GSAP: variants seen among roughly 807,000 people sequenced by gnomAD.
The protein encoded by GSAP is gamma-secretase-activating protein.
Under a neutral mutation model 131.7 loss-of-function variants are expected in GSAP, and 118 were observed. The observed-to-expected ratio is 0.90, with a 90% CI of 0.77 to 1.04. The LOEUF is 1.04. Ranked by LOEUF, GSAP falls within the 50% of genes least tolerant of loss-of-function variation. The pLI is 0.00. For missense variants in GSAP, 1,019 were observed against 1,013.2 expected (o/e 1.01, Z -0.08); for synonymous variants, 381 against 363.4 (o/e 1.05, Z -0.55).
chr7:77,359,390 A>G (rs1347222844), intron 14 of GSAP, among the ~76,000 whole-genome samples: 1 of 152,190 alleles, frequency 6.6e-6, no homozygotes, highest in Non-Finnish European at 1.5e-5. Flanking sequence ...TTCATTAAAT[A>G]AATAGTAGCT....
rs1798740632 is a variant in GSAP, at chr7:77,387,435, C to G, written c.381G>C (p.Leu127Phe). 6.3e-7 allele frequency: 1 copy of G among 1,581,690 alleles called. No homozygotes were observed. The highest frequency in any genetic ancestry group is 1.3e-5 in the African/African-American group (1 of 74,332). The change falls in exon 6 of 31, where the codon TTG becomes TTC. Residue 127 changes from leucine to phenylalanine, a missense_variant. Coordinates refer to ENST00000257626, the MANE Select transcript of GSAP (RefSeq NM_017439.4). ...RNELQPGSKC[L>F]TLLVEIHPVN... The stretch of plus-strand genomic sequence containing the variant: ...CAGGGTGGATTTCAACCAACAAAGT[C>G]AAGCACTTTGATCCTACAGAGAAAA...
intron 28 of GSAP, among the ~76,000 whole-genome samples, chr7:77,312,782 G>C (rs1338611745): frequency 6.6e-6 from 1 of 152,234 alleles, no homozygotes; most frequent in Non-Finnish European, 1.5e-5. Context: ...CCGTTCGTGA[G>C]AGGACAGTGC....
In GSAP at chr7:77,330,184, G is replaced by C; in HGVS notation, c.1674+55C>G. ...GCCTTATGATTTAAAGGCATCACCTGGATCCAGTCCACTATGCCTCGCTGC... is the reference window on the plus strand; with the variant it reads ...GCCTTATGATTTAAAGGCATCACCTCGATCCAGTCCACTATGCCTCGCTGC... On this transcript the variant is annotated intron_variant, in intron 20 of 30. Coordinates refer to ENST00000257626, the MANE Select transcript of GSAP (RefSeq NM_017439.4). 1.3e-6 allele frequency: 2 copies of C among 1,551,550 alleles called. 1 individual carries two copies. The highest frequency in any genetic ancestry group is 1.7e-6 in the Non-Finnish European group (2 of 1,146,170).
At chr7:77,349,461 T>A (rs1239121414) in intron 18 of GSAP, 57 bp from the exon 19 acceptor site, 1 of 1,451,122 alleles carries the variant, frequency 6.9e-7, no homozygotes, top group Non-Finnish European at 9.6e-7. Flanking sequence ...TACCACTAGC[T>A]CAAGCTTTCA....
At chr7:77,400,235 A>C (rs1369588551) in intron 3 of GSAP, among the ~76,000 whole-genome samples, 1 of 152,186 alleles carries the variant, frequency 6.6e-6, no homozygotes. Flanking sequence ...TCCCAGTGGT[A>C]AACAAGCTTT....
At chr7:77,353,776 A>C in intron 16 of GSAP, 135 bp from the exon 17 acceptor site, 1 of 582,336 alleles carries the variant, frequency 1.7e-6, no homozygotes, top group Non-Finnish European at 3.0e-6. Context: ...ACTCACTTCT[A>C]TACTATCTTC....
At chr7:77,402,616 A>T (rs66527510) in intron 3 of GSAP, among the ~76,000 whole-genome samples, 856 of 80,240 alleles carry the variant, frequency 0.011, 83 homozygotes, top group Middle Eastern at 0.02. Flanking sequence ...AAAAAAAAAA[A>T]GAATTTTAAA....
intron 3 of GSAP, among the ~76,000 whole-genome samples, chr7:77,400,936 ATTT>A (rs35614699): frequency 7.0e-6 from 1 of 141,942 alleles, no homozygotes; most frequent in Non-Finnish European, 1.5e-5. Context: ...ACAATTACCA[ATTT>A]TTTTTTTTTT....
At chr7:77,370,709 G>A (rs770572760) in intron 12 of GSAP, among the ~76,000 whole-genome samples, 41 of 152,120 alleles carry the variant, frequency 2.7e-4, no homozygotes, top group Admixed American at 4.6e-4. Flanking sequence ...CCTCTGTCAT[G>A]TCTACACATG....
rs188259257 is a variant in GSAP at position 77,374,022 on chromosome 7, A to C, written c.871+48T>G. 2.7e-3 allele frequency: 2,849 copies of C among 1,040,100 alleles called. 10 individuals are homozygous for C. Among genetic ancestry groups the C allele is most frequent in the Non-Finnish European group, 3.8e-3 (2,546 of 667,326 alleles). 64.4% of individuals were successfully genotyped at this position (1,040,100 alleles called of 1,614,324 possible). A position where few individuals can be genotyped will look rare whatever the true frequency, so the allele number is the denominator to read the frequency against. The stretch of plus-strand genomic sequence containing the variant: ...GCTAAACAATGAGTAAATTTTGTCT[A>C]GAACTCAAATACGGTTGAATAAATT... On this transcript the variant is annotated intron_variant, in intron 12 of 30. Coordinates refer to ENST00000257626, the MANE Select transcript of GSAP (RefSeq NM_017439.4).
At position 77,328,605 on chromosome 7, in the gene GSAP, C is replaced by A. The variant is rs1788653042; in HGVS notation, c.1765+1G>T. 6.2e-7 allele frequency: 1 copy of A among 1,611,454 alleles called. No individual in the cohort carries two copies. Among genetic ancestry groups the A allele is most frequent in the Admixed American group, 1.7e-5 (1 of 59,448 alleles). Reference sequence around the variant, plus strand: ...AGGCTTTATTACAGATCTTTTCTTACCCAAATTTCTTGCTTCTAGGTTAGA... The same window carrying A: ...AGGCTTTATTACAGATCTTTTCTTAACCAAATTTCTTGCTTCTAGGTTAGA... On this transcript the variant is annotated splice_donor_variant, in intron 22 of 30. Coordinates refer to ENST00000257626, the MANE Select transcript of GSAP (RefSeq NM_017439.4). LOFTEE classifies it high-confidence loss of function.
At chr7:77,351,185 G>C in intron 18 of GSAP, 1 of 982,916 alleles carries the variant, frequency 1.0e-6, no homozygotes. Context: ...GCCGTGATAA[G>C]AATCTATTGT....
intron 19 of GSAP, among the ~76,000 whole-genome samples, chr7:77,343,058 A>G (rs2103247): frequency 0.62 from 94,706 of 152,080 alleles, 30,496 homozygotes; most frequent in African/African-American, 0.77. Context: ...ACACACAGCC[A>G]AAGTGCAGGG....
intron 3 of GSAP, among the ~76,000 whole-genome samples, chr7:77,400,795 G>C (rs1264868435): frequency 6.6e-6 from 1 of 152,054 alleles, no homozygotes; most frequent in South Asian, 2.1e-4. Context: ...GGAATTTTCT[G>C]ACAAAGATTT....
At chr7:77,365,094 A>C (rs546320414) in intron 12 of GSAP, among the ~76,000 whole-genome samples, 15 of 152,238 alleles carry the variant, frequency 9.9e-5, no homozygotes, top group Middle Eastern at 3.4e-3. Flanking sequence ...CCAAATAGCT[A>C]GGACTACATG....
In GSAP at chr7:77,414,844, C is replaced by CTTTTTTTTTTTTTTTTTTT. The variant is rs57095326; in HGVS notation, c.109+1350_109+1368dup. 2.3e-4 allele frequency among the ~76,000 whole-genome samples: 14 copies of CTTTTTTTTTTTTTTTTTTT among 59,876 alleles called. 4 individuals are homozygous for CTTTTTTTTTTTTTTTTTTT. The highest frequency in any genetic ancestry group is 1.4e-3 in the East Asian group (2 of 1,454). 39.3% of individuals were successfully genotyped at this position (59,876 alleles called of 152,430 possible). A position where few individuals can be genotyped will look rare whatever the true frequency, so the allele number is the denominator to read the frequency against. ...AAAAACTTTTCAGACATGTGGGCGA[C>CTTTTTTTTTTTTTTTTTTT]TTTTTTTTTTTTTTTTTTTTTTTTT... On this transcript the variant is annotated intron_variant, in intron 1 of 30. Transcript: ENST00000257626.
At position 77,404,575 on chromosome 7, in the gene GSAP, T is replaced by G; in HGVS notation, c.227A>C (p.Gln76Pro). ...GNVVFGLYDCQTRQNELLYTF... is the reference protein window; with the variant it reads ...GNVVFGLYDCPTRQNELLYTF... ...GATTTTTACCTCATTTTGTCTGGTT[T>G]GACAATCATATAATCCAAAGACGAC... is the stretch of plus-strand genomic sequence containing the variant. The change falls in exon 3 of 31, where the codon CAA (glutamine) becomes CCA (proline). Residue 76 changes from glutamine (Q) to proline (P), a missense_variant. Coordinates refer to ENST00000257626, the MANE Select transcript of GSAP (RefSeq NM_017439.4). 6.4e-7 allele frequency: 1 copy of G among 1,559,728 alleles called. No individual in the cohort carries two copies. The highest frequency in any genetic ancestry group is 8.8e-7 in the Non-Finnish European group (1 of 1,132,432).
intron 1 of GSAP, among the ~76,000 whole-genome samples, chr7:77,414,829 C>T (rs554978300): frequency 7.6e-6 from 1 of 131,850 alleles, no homozygotes; most frequent in Admixed American, 8.0e-5. Context: ...AAAAACTTTT[C>T]AGACATGTGG....
chr7:77,313,925 C>A (rs1476116301), intron 27 of GSAP, among the ~76,000 whole-genome samples: 2 of 152,190 alleles, frequency 1.3e-5, no homozygotes, highest in Admixed American at 1.3e-4. Context: ...CATTTCTAGT[C>A]TAACTTTGAG....
Sources: gnomAD v4.1 joint callset for allele counts (sites outside exome capture counted in the v4.1 genomes callset) on GRCh38, gnomAD v4.1.1 for gene constraint, MANE v1.5 for transcripts, NCBI Gene and HGNC (gene_info 2026-07-23, HGNC 2026-07-21) for gene names.